The following RBFOX1 variants were observed in gnomAD, a reference collection of about 807,000 sequenced individuals.
RBFOX1 encodes the protein RNA binding protein fox-1 homolog 1.
A neutral mutation model predicts 57.7 loss-of-function variants in RBFOX1; 8 were observed. The observed-to-expected ratio is 0.14, with a 90% CI of 0.08 to 0.25. The LOEUF (loss-of-function observed/expected upper bound fraction) is 0.25, where lower values mean the gene tolerates loss of function less well. Among genes scored for constraint, RBFOX1 ranks in the 10% least tolerant of loss-of-function variants. The probability of loss-of-function intolerance (pLI) is 1.00; values close to 1 mark genes in which losing one functional copy is unlikely to be tolerated. For missense variants in RBFOX1, 611 were observed against 548.5 expected, an observed-to-expected ratio of 1.11 and a Z score of -1.14; for synonymous variants, 326 against 222.4, an observed-to-expected ratio of 1.47 and a Z score of -4.15.
intron 4 of RBFOX1, among the ~76,000 whole-genome samples, chr16:7,112,664 C>CTATGTGTGTGTGTGTG (rs1567304707): frequency 1.8e-4 from 1 of 5,616 alleles, no homozygotes; most frequent in South Asian, 8.8e-3. Flanking sequence ...TATGTAAACT[C>CTATGTGTGTGTGTGTG]TGTGTGTGTG....
chr16:7,457,216 C>A (rs145596053), intron 4 of RBFOX1, among the ~76,000 whole-genome samples: 9 of 151,948 alleles, frequency 5.9e-5, no homozygotes, highest in African/African-American at 2.2e-4. Flanking sequence ...ACTCATACAG[C>A]GGGTCCATGA....
At chr16:6,445,927 G>A (rs1001375246) in intron 2 of RBFOX1, among the ~76,000 whole-genome samples, 5 of 151,602 alleles carry the variant, frequency 3.3e-5, no homozygotes, top group African/African-American at 1.2e-4. Context: ...CAGCATCCCT[G>A]TTAACTATAC....
intron 3 of RBFOX1, among the ~76,000 whole-genome samples, chr16:5,707,507 C>T (rs1008001190): frequency 6.6e-6 from 1 of 152,162 alleles, no homozygotes; most frequent in Admixed American, 6.5e-5. Flanking sequence ...ATAGCTAACA[C>T]CTATGTCTGC....
chr16:6,378,428 C>T lies in RBFOX1; in HGVS notation c.-64+61371C>T, dbSNP rs556196475. On this transcript the variant is annotated intron_variant, in intron 2 of 15. Transcript: ENST00000550418. Reference sequence around the variant, plus strand: ...CCTGTCAGCATGCTGGAAGCAGCACCGATGGAGGTTGTTGAGCAGGGTTGC... The same window carrying T: ...CCTGTCAGCATGCTGGAAGCAGCACTGATGGAGGTTGTTGAGCAGGGTTGC... Among the ~76,000 whole-genome samples the T allele has an allele frequency of 2.6e-5, 4 of 152,256 alleles. No individual in the cohort carries two copies. In the South Asian group the frequency reaches 6.2e-4, roughly 24 times the overall value.
intron 2 of RBFOX1, among the ~76,000 whole-genome samples, chr16:5,568,791 C>G (rs773275410): frequency 1.3e-5 from 2 of 152,152 alleles, no homozygotes; most frequent in South Asian, 2.1e-4. Flanking sequence ...TGTTTTTTCA[C>G]TCCTCCCACC....
intron 4 of RBFOX1, among the ~76,000 whole-genome samples, chr16:7,390,438 G>A (rs372816722): frequency 5.3e-5 from 8 of 152,202 alleles, no homozygotes; most frequent in Non-Finnish European, 7.3e-5. Context: ...TTAAGTTTCA[G>A]TTGCAGGGAC....
intron 3 of RBFOX1, among the ~76,000 whole-genome samples, chr16:6,975,885 G>C (rs930429801): frequency 1.3e-5 from 2 of 152,146 alleles, no homozygotes; most frequent in East Asian, 1.9e-4. Context: ...GCAGCACTTT[G>C]GGAGGCTGAG....
chr16:7,469,693 A>G (rs1369856874), intron 4 of RBFOX1, among the ~76,000 whole-genome samples: 1 of 152,210 alleles, frequency 6.6e-6, no homozygotes, highest in Non-Finnish European at 1.5e-5. Context: ...CACATTGAAC[A>G]TGGAAATTTC....
intron 2 of RBFOX1, among the ~76,000 whole-genome samples, chr16:5,518,721 C>G (rs965004217): frequency 6.6e-6 from 1 of 152,138 alleles, no homozygotes; most frequent in Admixed American, 6.5e-5. Flanking sequence ...TCTTGACATC[C>G]TCAACTGTGA....
At chr16:6,478,402 TA>T (rs1567367945) in intron 2 of RBFOX1, among the ~76,000 whole-genome samples, 29 of 11,288 alleles carry the variant, frequency 2.6e-3, no homozygotes, top group African/African-American at 8.4e-3. Flanking sequence ...TATATATATA[TA>T]TATATATATA....
At chr16:7,001,469 T>C (rs992230415) in intron 3 of RBFOX1, among the ~76,000 whole-genome samples, 23 of 152,018 alleles carry the variant, frequency 1.5e-4, no homozygotes, top group African/African-American at 5.6e-4. Flanking sequence ...CGTGTATGTA[T>C]ATTTTGAGAT....
rs1012118575 is a variant in RBFOX1 at position 7,166,762 on chromosome 16, C to T, written c.27+114664C>T. Reference sequence around the variant, plus strand: ...CTTCAGCAGCATCCTTGGATGAGTGCGCACTGGGTGGATACAGGACAGACA... The same window carrying T: ...CTTCAGCAGCATCCTTGGATGAGTGTGCACTGGGTGGATACAGGACAGACA... On this transcript the variant is annotated intron_variant, in intron 4 of 15. Coordinates refer to ENST00000550418, the MANE Select transcript of RBFOX1 (RefSeq NM_018723.4). Among the ~76,000 whole-genome samples, 7 of 152,088 alleles carry T rather than the reference C, an allele frequency of 4.6e-5. No individual in the cohort carries two copies. The East Asian group carries it at 5.9e-4, about 13-fold the overall frequency.
intron 3 of RBFOX1, among the ~76,000 whole-genome samples, chr16:6,683,900 G>C (rs1427659351): frequency 6.6e-6 from 1 of 152,218 alleles, no homozygotes; most frequent in East Asian, 1.9e-4. Context: ...GGTTGTAAGA[G>C]TAGAGGGAGA....
At chr16:6,013,847 C>T (rs2152341025) in intron 4 of RBFOX1, among the ~76,000 whole-genome samples, 1 of 150,732 alleles carries the variant, frequency 6.6e-6, no homozygotes, top group Non-Finnish European at 1.5e-5. Flanking sequence ...TCATTCTCAG[C>T]AAACTATGGC....
chr16:7,496,501 T>C (rs1328708811), intron 4 of RBFOX1, among the ~76,000 whole-genome samples: 2 of 152,142 alleles, frequency 1.3e-5, no homozygotes, highest in African/African-American at 4.8e-5. Context: ...CTTATGGGGA[T>C]GTAATGAGGT....
chr16:7,339,753 T>G (rs75485853), intron 4 of RBFOX1, among the ~76,000 whole-genome samples: 6,315 of 152,326 alleles, frequency 0.041, 204 homozygotes, highest in Non-Finnish European at 0.061. Flanking sequence ...AAGATATTTG[T>G]TAAGAATTCT....
chr16:6,249,519 A>T (rs2152941609), intron 1 of RBFOX1, among the ~76,000 whole-genome samples: 1 of 152,210 alleles, frequency 6.6e-6, no homozygotes, highest in African/African-American at 2.4e-5. Flanking sequence ...GGGAGACTCC[A>T]TCTCAAAAAA....
rs144657830 is a variant in RBFOX1, at chr16:6,087,266, G to A, written c.-127+67274G>A. Among the ~76,000 whole-genome samples, 381 of 152,292 alleles carry A rather than the reference G, an allele frequency of 2.5e-3. 4 individuals are homozygous for A. The highest frequency in any genetic ancestry group is 8.1e-3 in the African/African-American group (338 of 41,568). Reference sequence around the variant, plus strand: ...AAAGGTGTTTCCTTAGGCAGAAATTGAAACATGATCTGTCTGTCCAGAGTT... The same window carrying A: ...AAAGGTGTTTCCTTAGGCAGAAATTAAAACATGATCTGTCTGTCCAGAGTT... On this transcript the variant is annotated intron_variant, in intron 1 of 15. Transcript: ENST00000550418.
At chr16:7,129,289 A>G (rs367890402) in intron 4 of RBFOX1, among the ~76,000 whole-genome samples, 1 of 152,146 alleles carries the variant, frequency 6.6e-6, no homozygotes, top group Non-Finnish European at 1.5e-5. Flanking sequence ...CCAGGAAAAC[A>G]AAGTGTTTCA....
Sources: allele counts gnomAD v4.1 joint callset (sites outside exome capture counted in the v4.1 genomes callset), GRCh38; gene constraint gnomAD v4.1.1; transcripts MANE v1.5; gene names NCBI Gene and HGNC (gene_info 2026-07-23, HGNC 2026-07-21).